Variants in IMMP2L observed in about 807,000 individuals in gnomAD.
The protein encoded by IMMP2L is mitochondrial inner membrane protease subunit 2.
IMMP2L carries 18 observed loss-of-function variants against 19.3 expected under a neutral mutation model. The ratio of observed to expected loss-of-function variants is 0.93; its 90% CI spans 0.64 to 1.38. The LOEUF (loss-of-function observed/expected upper bound fraction) is 1.38. Among genes scored for constraint, IMMP2L ranks in the 40% most tolerant of loss-of-function variants. IMMP2L has a pLI of 0.00. For missense variants in IMMP2L, 233 were observed against 218.2 expected (o/e 1.07, Z -0.43); for synonymous variants, 76 against 73.0 (o/e 1.04, Z -0.21).
intron 3 of IMMP2L, among the ~76,000 whole-genome samples, chr7:111,376,286 C>T (rs1417489918): frequency 6.6e-6 from 1 of 151,862 alleles, no homozygotes; most frequent in Admixed American, 6.6e-5. Context: ...ACATATGTGG[C>T]CAATAAACAC....
chr7:111,413,831 G>T (rs949150280), intron 3 of IMMP2L, among the ~76,000 whole-genome samples: 1 of 151,696 alleles, frequency 6.6e-6, no homozygotes, highest in African/African-American at 2.4e-5. Context: ...TTAGCAGAGG[G>T]TGCTGGAGAG....
rs374929142 is a variant in IMMP2L, at chr7:111,157,320, A to T, written c.240-193755T>A. Among the ~76,000 whole-genome samples the T allele has an allele frequency of 3.3e-5, 5 of 152,284 alleles. No homozygotes were observed. The East Asian group carries it at 7.7e-4, about 24-fold the overall frequency. On this transcript the variant is annotated intron_variant, in intron 3 of 5. Coordinates refer to ENST00000405709, the MANE Select transcript of IMMP2L (RefSeq NM_032549.4). Reference sequence around the variant, plus strand: ...TTCACAATAGCCAAGATTTGGAAGCAACCTAAGTGTCCATCAATTGATGAA... The same window carrying T: ...TTCACAATAGCCAAGATTTGGAAGCTACCTAAGTGTCCATCAATTGATGAA...
At chr7:111,153,662 T>G (rs950445490) in intron 3 of IMMP2L, among the ~76,000 whole-genome samples, 3 of 152,010 alleles carry the variant, frequency 2.0e-5, no homozygotes, top group African/African-American at 7.2e-5. Context: ...ATGATTAAAC[T>G]CTTAACAAAC....
At chr7:111,560,561 G>T (rs936199076) in intron 1 of IMMP2L, among the ~76,000 whole-genome samples, 5 of 152,110 alleles carry the variant, frequency 3.3e-5, no homozygotes, top group Admixed American at 6.5e-5. Context: ...CTAGAAAGGC[G>T]GAATAATAAT....
At chr7:110,815,317 C>T (rs1802398135) in intron 5 of IMMP2L, among the ~76,000 whole-genome samples, 1 of 151,996 alleles carries the variant, frequency 6.6e-6, no homozygotes, top group South Asian at 2.1e-4. Context: ...GGATGAAGCC[C>T]ACTTGATCAT....
chr7:110,789,494 G>A (rs1309332689), intron 5 of IMMP2L, among the ~76,000 whole-genome samples: 1 of 151,586 alleles, frequency 6.6e-6, no homozygotes, highest in Non-Finnish European at 1.5e-5. Flanking sequence ...TCTTTTGTCT[G>A]GACTATTGCA....
chr7:111,144,539 G>C (rs918775768), intron 3 of IMMP2L, among the ~76,000 whole-genome samples: 1 of 152,094 alleles, frequency 6.6e-6, no homozygotes, highest in African/African-American at 2.4e-5. Flanking sequence ...ATCATCCTTT[G>C]TGTTCCTACA....
intron 3 of IMMP2L, among the ~76,000 whole-genome samples, chr7:111,296,745 C>CA (rs1821677183): frequency 6.6e-6 from 1 of 152,078 alleles, no homozygotes; most frequent in Admixed American, 6.6e-5. Context: ...ATATTCATAA[C>CA]AGACTTTTTT....
chr7:111,306,606 CTGTGTG>C (rs71147473), intron 3 of IMMP2L, among the ~76,000 whole-genome samples: 63,896 of 135,692 alleles, frequency 0.47, 15,417 homozygotes, highest in Non-Finnish European at 0.52. Flanking sequence ...TCACTGGACT[CTGTGTG>C]TGTGTGTGTG....
intron 5 of IMMP2L, among the ~76,000 whole-genome samples, chr7:110,827,383 G>A (rs1803593760): frequency 6.6e-6 from 1 of 152,094 alleles, no homozygotes; most frequent in Admixed American, 6.6e-5. Flanking sequence ...TCTTTTTAGT[G>A]AGATTTCACA....
At chr7:111,467,456 T>A (rs375596746) in intron 3 of IMMP2L, among the ~76,000 whole-genome samples, 1 of 152,202 alleles carries the variant, frequency 6.6e-6, no homozygotes, top group Admixed American at 6.5e-5. Flanking sequence ...CTCCTACTTA[T>A]GTGAGTCACA....
At chr7:111,312,467 C>T (rs994584554) in intron 3 of IMMP2L, among the ~76,000 whole-genome samples, 1 of 152,116 alleles carries the variant, frequency 6.6e-6, no homozygotes, top group Non-Finnish European at 1.5e-5. Context: ...AAAGACAAGA[C>T]AATTTGTGTT....
At chr7:111,409,311 G>A (rs1834166777) in intron 3 of IMMP2L, among the ~76,000 whole-genome samples, 1 of 151,280 alleles carries the variant, frequency 6.6e-6, no homozygotes, top group African/African-American at 2.4e-5. Context: ...GATTCAATAT[G>A]GTTATCAGCC....
intron 5 of IMMP2L, among the ~76,000 whole-genome samples, chr7:110,686,733 C>T (rs1196580575): frequency 6.6e-6 from 1 of 152,014 alleles, no homozygotes; most frequent in Non-Finnish European, 1.5e-5. Context: ...TCCTCACTGC[C>T]CTCATCAAGG....
chr7:111,317,916 G>A (rs987318792), intron 3 of IMMP2L, among the ~76,000 whole-genome samples: 1 of 152,016 alleles, frequency 6.6e-6, no homozygotes, highest in East Asian at 1.9e-4. Flanking sequence ...GATTCTACAT[G>A]GTCTCATTTT....
intron 3 of IMMP2L, among the ~76,000 whole-genome samples, chr7:111,331,013 G>A (rs1181396308): frequency 6.6e-6 from 1 of 151,902 alleles, no homozygotes; most frequent in Non-Finnish European, 1.5e-5. Flanking sequence ...ATGAAAAACT[G>A]TATGGAAGTT....
rs1801924955 is a variant in IMMP2L at position 111,132,323 on chromosome 7, C to A, written c.240-168758G>T. Among the ~76,000 whole-genome samples, 4 of 152,136 alleles carry A rather than the reference C, an allele frequency of 2.6e-5. No homozygotes were observed. The South Asian group carries it at 8.3e-4, about 32-fold the overall frequency. Reference sequence around the variant, plus strand: ...CACATTCCCAATCTATAAAGCTCTTCTCTTTCTCAGTCCATTACAGGAAAA... The same window carrying A: ...CACATTCCCAATCTATAAAGCTCTTATCTTTCTCAGTCCATTACAGGAAAA... On this transcript the variant is annotated intron_variant, in intron 3 of 5. Transcript: ENST00000405709.
At chr7:111,322,338 G>A (rs1319397789) in intron 3 of IMMP2L, among the ~76,000 whole-genome samples, 1 of 151,872 alleles carries the variant, frequency 6.6e-6, no homozygotes, top group Non-Finnish European at 1.5e-5. Context: ...TGACTGGTTA[G>A]ATGCAGAATT....
At chr7:111,144,949 T>C (rs897196030) in intron 3 of IMMP2L, among the ~76,000 whole-genome samples, 8 of 152,114 alleles carry the variant, frequency 5.3e-5, no homozygotes, top group African/African-American at 1.9e-4. Context: ...TGATCTGAAC[T>C]GTAGGTTCAG....
Sources: gnomAD v4.1 joint callset for allele counts (sites outside exome capture counted in the v4.1 genomes callset) on GRCh38, gnomAD v4.1.1 for gene constraint, MANE v1.5 for transcripts, NCBI Gene and HGNC (gene_info 2026-07-23, HGNC 2026-07-21) for gene names.